Variants in DLG3 observed in about 807,000 individuals in gnomAD.
The protein encoded by DLG3 is discs large MAGUK scaffold protein 3, also known as disks large homolog 3.
Under a neutral mutation model 64.1 loss-of-function variants are expected in DLG3, and 1 was observed. That is an observed-to-expected ratio of 0.02 (90% CI 0.01 to 0.07). The LOEUF is 0.07. Ranked by LOEUF, DLG3 falls within the 10% of genes least tolerant of loss-of-function variation. The pLI is 1.00. For synonymous variants in DLG3, 245 were observed against 259.8 expected, an observed-to-expected ratio of 0.94 and a Z score of 0.55; for missense variants, 429 against 669.5, an observed-to-expected ratio of 0.64 and a Z score of 3.96.
rs1402492926 is a variant in DLG3, at chrX:70,445,070, C to T, written c.-132C>T. On this transcript the variant is annotated 5_prime_UTR_variant, in exon 1 of 19. Coordinates refer to ENST00000374360, the MANE Select transcript of DLG3 (RefSeq NM_021120.4). ...CTCAGCCCGGGCGCCCCCACGGGTG[C>T]CCCCCCCTTCTTGGTCCGAGCAGTG... 7 of 461,328 alleles carry T rather than the reference C, an allele frequency of 1.5e-5. No homozygotes were observed. Among genetic ancestry groups the T allele is most frequent in the Non-Finnish European group, 2.3e-5 (7 of 309,554 alleles). The allele number at this position is 461,328 out of a possible 1,213,427, so 38.0% of individuals were successfully genotyped here.
intron 9 of DLG3, among the ~76,000 whole-genome samples, chrX:70,473,718 CG>C (rs2087009834): frequency 1.8e-5 from 2 of 110,536 alleles, no homozygotes; most frequent in East Asian, 2.8e-4. Flanking sequence ...CTCAGCCTCT[CG>C]AGTAGCTAGG....
Position 70,500,622 on chromosome X carries a change from C to T in DLG3, c.2255+42C>T, listed in dbSNP as rs138817395. 1,787 of 1,035,619 alleles carry T rather than the reference C, an allele frequency of 1.7e-3. 18 individuals carry two copies. In the African/African-American group the frequency reaches 0.029, roughly 17 times the overall value. 85.3% of individuals were successfully genotyped at this position (1,035,619 alleles called of 1,213,427 possible). ...GAACTCAGACACACCAAGCTAAGAT[C>T]GGGTCTGGAAGGGAAATGGAGAAGA... On this transcript the variant is annotated intron_variant, in intron 17 of 18. Coordinates refer to ENST00000374360, the MANE Select transcript of DLG3 (RefSeq NM_021120.4).
At chrX:70,451,142 G>GC in intron 6 of DLG3, 1 of 225,566 alleles carries the variant, frequency 4.4e-6, no homozygotes, top group East Asian at 1.0e-4. Flanking sequence ...TTGCTCTGTC[G>GC]CCAGGCTGGA....
At chrX:70,453,828 C>T in intron 8 of DLG3, 35 bp downstream of exon 8, 2 of 1,114,892 alleles carry the variant, frequency 1.8e-6, no homozygotes, top group Middle Eastern at 2.5e-4. Flanking sequence ...AGGATGGGAA[C>T]TGTGCCAGTC....
In DLG3 at chrX:70,503,317, T is replaced by C. The variant is rs191365108; in HGVS notation, c.*1048T>C. 13 of 113,020 alleles carry C rather than the reference T, an allele frequency of 1.2e-4. No homozygotes were observed. In the East Asian group the frequency reaches 3.6e-3, roughly 31 times the overall value. 9.3% of individuals were successfully genotyped at this position (113,020 alleles called of 1,213,427 possible). A position where few individuals can be genotyped will look rare whatever the true frequency, so the allele number is the denominator to read the frequency against. ...ATTATTGCAAATTTTACTTTTACTA[T>C]TTAAGTGAATGCATAGAATCCAATT... On this transcript the variant is annotated 3_prime_UTR_variant, in exon 19 of 19. Transcript: ENST00000374360.
At chrX:70,450,104 T>C in intron 4 of DLG3, 65 bp from the exon 5 acceptor site, 1 of 1,188,973 alleles carries the variant, frequency 8.4e-7, no homozygotes, top group Non-Finnish European at 1.1e-6. Flanking sequence ...GGTTTGGATT[T>C]GGGATCGACA....
At chrX:70,480,978 A>G (rs1419786488) in intron 10 of DLG3, among the ~76,000 whole-genome samples, 1 of 112,251 alleles carries the variant, frequency 8.9e-6, no homozygotes, top group Non-Finnish European at 1.9e-5. Flanking sequence ...GACTGTGTCT[A>G]GTGAATCAGT....
At chrX:70,469,447 T>G (rs2086934325) in intron 9 of DLG3, among the ~76,000 whole-genome samples, 2 of 99,031 alleles carry the variant, frequency 2.0e-5, no homozygotes, top group African/African-American at 7.3e-5. Context: ...CATTTCTTTC[T>G]TTTTTTTTTT....
At chrX:70,450,543 G>C in intron 5 of DLG3, 96 bp from the exon 6 acceptor site, 1 of 1,082,671 alleles carries the variant, frequency 9.2e-7, no homozygotes, top group Non-Finnish European at 1.3e-6. Context: ...GCCTTTGTTA[G>C]CATGCTGTTG....
In DLG3 at chrX:70,449,465, C is replaced by A; in HGVS notation, c.515C>A (p.Ala172Asp). 8.3e-7 allele frequency: 1 copy of A among 1,211,330 alleles called. No homozygotes were observed. The highest frequency in any genetic ancestry group is 1.7e-5 in the African/African-American group (1 of 57,619). ...ITKIIPGGAA[A>D]MDGRLGVNDC... Reference sequence around the variant, plus strand: ...AAGATTATCCCTGGTGGAGCAGCTGCCATGGATGGGAGGCTGGGGTGAGAT... The same window carrying A: ...AAGATTATCCCTGGTGGAGCAGCTGACATGGATGGGAGGCTGGGGTGAGAT... The change falls in exon 3 of 19, where the codon GCC (alanine) becomes GAC (aspartate). Residue 172 changes from alanine to aspartate, a missense_variant. This residue lies in a region of DLG3 where 73 missense variants were observed against 158.5 expected (regional missense o/e 0.46). Transcript: ENST00000374360.
In DLG3 at chrX:70,503,016, CATTCTCT is replaced by C. The variant is rs1227532540; in HGVS notation, c.*748_*754del. 9.0e-6 allele frequency: 1 copy of C among 110,869 alleles called. No homozygotes were observed. The highest frequency in any genetic ancestry group is 1.9e-5 in the Non-Finnish European group (1 of 52,975). 9.1% of individuals were successfully genotyped at this position (110,869 alleles called of 1,213,427 possible). A position where few individuals can be genotyped will look rare whatever the true frequency, so the allele number is the denominator to read the frequency against. ...TGCACTAAGGGCACTCGCATTTGGT[CATTCTCT>C]TGAGAGCTAGGAGGGGTCAGCCTGA... On this transcript the variant is annotated 3_prime_UTR_variant, in exon 19 of 19. Coordinates refer to ENST00000374360, the MANE Select transcript of DLG3 (RefSeq NM_021120.4).
chrX:70,452,846 G>T (rs191032445), intron 7 of DLG3: 1 of 901,837 alleles, frequency 1.1e-6, no homozygotes, highest in East Asian at 3.3e-5. Flanking sequence ...AGAGTCTTGC[G>T]TGGGGCTTTG....
Position 70,500,451 on chromosome X carries a change from T to TA in DLG3, c.2146-19dup. 1 of 1,169,715 alleles carries TA rather than the reference T, an allele frequency of 8.5e-7. No individual in the cohort carries two copies. Among genetic ancestry groups the TA allele is most frequent in the Non-Finnish European group, 1.2e-6 (1 of 857,935 alleles). The stretch of plus-strand genomic sequence containing the variant: ...GGTGAATAGGGAGTGGCTGGGCTGT[T>TA]ACAATCTCTGCTTTTTCAGGGCAAG... On this transcript the variant is annotated intron_variant, in intron 16 of 18. Transcript: ENST00000374360.
intron 12 of DLG3, chrX:70,493,495 A>G: frequency 1.7e-6 from 2 of 1,156,093 alleles, no homozygotes; most frequent in Non-Finnish European, 2.4e-6. Context: ...AGCAGAGTCC[A>G]GAGAGCAGGC....
intron 10 of DLG3, among the ~76,000 whole-genome samples, chrX:70,482,660 G>GTTTTTTTTTTTTTTTTTT (rs200729766): frequency 1.4e-5 from 1 of 69,250 alleles, no homozygotes; most frequent in African/African-American, 6.2e-5. Context: ...TACATGTGTG[G>GTTTTTTTTTTTTTTTTTT]TGTTTTTTTT....
intron 12 of DLG3, chrX:70,493,548 G>T: frequency 1.0e-6 from 1 of 962,183 alleles, no homozygotes; most frequent in Admixed American, 2.5e-5. Flanking sequence ...CCCTTCCCTC[G>T]AGAGAAGCCT....
chrX:70,502,293 T>A lies in DLG3; in HGVS notation c.*24T>A. 9.2e-7 allele frequency: 1 copy of A among 1,083,175 alleles called. No individual in the cohort carries two copies. The highest frequency in any genetic ancestry group is 1.8e-5 in the African/African-American group (1 of 55,156). The allele number at this position is 1,083,175 out of a possible 1,213,427, so 89.3% of individuals were successfully genotyped here. On this transcript the variant is annotated 3_prime_UTR_variant, in exon 19 of 19. Transcript: ENST00000374360. Reference sequence around the variant, plus strand: ...GAAGAATCCCCTCCAACCATTCTCTTGTGAACAGAAGAAATCAAGTCCCTC... The same window carrying A: ...GAAGAATCCCCTCCAACCATTCTCTAGTGAACAGAAGAAATCAAGTCCCTC...
At chrX:70,497,635 C>A (rs1252161377) in intron 13 of DLG3, among the ~76,000 whole-genome samples, 1 of 111,943 alleles carries the variant, frequency 8.9e-6, no homozygotes. Flanking sequence ...GCCTTTGGGG[C>A]CAGTTAAAGG....
intron 9 of DLG3, among the ~76,000 whole-genome samples, chrX:70,471,067 TCA>T (rs1182004291): frequency 9.0e-6 from 1 of 110,594 alleles, no homozygotes; most frequent in South Asian, 3.9e-4. Flanking sequence ...AATTTGAGAA[TCA>T]CAGAGTCCAG....
Sources: allele counts gnomAD v4.1 joint callset (sites outside exome capture counted in the v4.1 genomes callset), GRCh38; gene constraint gnomAD v4.1.1; regional missense constraint gnomAD v4.1.1; transcripts MANE v1.5; gene names NCBI Gene and HGNC (gene_info 2026-07-23, HGNC 2026-07-21).